The following DPP6 variants were observed in gnomAD, a reference collection of about 807,000 sequenced individuals.
DPP6 encodes A-type potassium channel modulatory protein DPP6.
DPP6 carries 69 observed loss-of-function variants against 122.6 expected under a neutral mutation model. The ratio of observed to expected loss-of-function variants is 0.56; its 90% CI spans 0.46 to 0.69. The LOEUF is 0.69. DPP6 is among the 30% of genes least tolerant of loss of function. The probability of loss-of-function intolerance (pLI) is 0.00; values close to 1 mark genes in which losing one functional copy is unlikely to be tolerated. For missense variants in DPP6, 928 were observed against 1,116.9 expected, an observed-to-expected ratio of 0.83 and a Z score of 2.41; for synonymous variants, 418 against 433.1, an observed-to-expected ratio of 0.97 and a Z score of 0.43.
chr7:154,243,580 G>C (rs1409277782), intron 1 of DPP6, among the ~76,000 whole-genome samples: 1 of 152,136 alleles, frequency 6.6e-6, no homozygotes, highest in Admixed American at 6.6e-5. Context: ...CAGATCACGA[G>C]GTCAGGAGAT....
intron 7 of DPP6, among the ~76,000 whole-genome samples, chr7:154,718,738 C>G (rs1467788939): frequency 6.8e-6 from 1 of 147,776 alleles, no homozygotes; most frequent in Admixed American, 6.9e-5. Flanking sequence ...CTCCCAGATT[C>G]AAGTGATTCT....
chr7:154,314,111 C>T (rs554667394), intron 1 of DPP6, among the ~76,000 whole-genome samples: 9 of 152,072 alleles, frequency 5.9e-5, no homozygotes, highest in Non-Finnish European at 1.3e-4. Flanking sequence ...AGCTAACTTA[C>T]GGGGGAGTTG....
intron 1 of DPP6, among the ~76,000 whole-genome samples, chr7:154,417,523 T>G (rs1817128617): frequency 6.6e-6 from 1 of 152,148 alleles, no homozygotes. Context: ...CTGACCTGAT[T>G]TCATGACTTC....
At chr7:153,794,900 C>G in the DPP6 span, among the ~76,000 whole-genome samples, 2 of 152,138 alleles carry the variant, frequency 1.3e-5, no homozygotes, top group African/African-American at 2.4e-5. Context: ...TCGCCGCCAT[C>G]ATGTAAGAAG....
chr7:154,461,234 A>G (rs1210852783), intron 2 of DPP6, among the ~76,000 whole-genome samples: 6 of 152,192 alleles, frequency 3.9e-5, no homozygotes, highest in Non-Finnish European at 1.5e-5. Context: ...TCCATTGTGT[A>G]TACGTACCAT....
intron 2 of DPP6, among the ~76,000 whole-genome samples, chr7:154,456,363 G>T (rs1820827881): frequency 6.6e-6 from 1 of 152,142 alleles, no homozygotes; most frequent in Non-Finnish European, 1.5e-5. Context: ...AAAATCACCA[G>T]AAGTTCAGTT....
At chr7:154,077,093 CTA>C (rs753918456) in intron 1 of DPP6, among the ~76,000 whole-genome samples, 9 of 152,306 alleles carry the variant, frequency 5.9e-5, no homozygotes, top group Non-Finnish European at 1.0e-4. Context: ...ATTAAGACCT[CTA>C]TGTTTCATGT....
chr7:154,885,885 C>A, intron 22 of DPP6, 141 bp downstream of exon 22: 1 of 1,156,864 alleles, frequency 8.6e-7, no homozygotes, highest in Non-Finnish European at 1.2e-6. Context: ...CCACCTTGGG[C>A]TGATGGAAGA....
At chr7:153,928,478 G>A (rs528598684) in intron 1 of DPP6, among the ~76,000 whole-genome samples, 3 of 134,686 alleles carry the variant, frequency 2.2e-5, no homozygotes, top group African/African-American at 5.7e-5. Flanking sequence ...CCAACCTCAG[G>A]TGATCTGCCC....
intron 8 of DPP6, among the ~76,000 whole-genome samples, chr7:154,753,597 T>G (rs1249730367): frequency 6.6e-6 from 1 of 152,188 alleles, no homozygotes; most frequent in Non-Finnish European, 1.5e-5. Context: ...AGGATGAAGC[T>G]CACGTGCCAG....
intron 3 of DPP6, among the ~76,000 whole-genome samples, chr7:154,495,216 T>C (rs1824626271): frequency 1.3e-5 from 2 of 152,148 alleles, no homozygotes; most frequent in South Asian, 4.1e-4. Flanking sequence ...GCCATGAGTG[T>C]GAGGAGAAGA....
chr7:154,669,616 GTCATT>G (rs1838426188), intron 7 of DPP6, among the ~76,000 whole-genome samples, 175 bp downstream of exon 7: 1 of 152,010 alleles, frequency 6.6e-6, no homozygotes, highest in South Asian at 2.1e-4. Flanking sequence ...ATGTAAAAGG[GTCATT>G]TCTTTTTAGA....
At chr7:153,954,226 T>C (rs569742240) in intron 1 of DPP6, among the ~76,000 whole-genome samples, 2 of 152,350 alleles carry the variant, frequency 1.3e-5, no homozygotes, top group East Asian at 1.9e-4. Flanking sequence ...AAAGTGTCAC[T>C]ATCGCAACTA....
chr7:153,782,697 C>T, the DPP6 span, among the ~76,000 whole-genome samples: 2 of 152,208 alleles, frequency 1.3e-5, no homozygotes, highest in African/African-American at 4.8e-5. Context: ...CTCTAGCATG[C>T]TGTCCTGCCT....
intron 1 of DPP6, among the ~76,000 whole-genome samples, chr7:154,294,327 G>T (rs761206588): frequency 6.7e-4 from 102 of 152,136 alleles, no homozygotes; most frequent in Admixed American, 1.3e-3. Context: ...TGGTGTCTTT[G>T]CTAATGCCTT....
chr7:154,034,870 A>G (rs2129056121), intron 1 of DPP6, among the ~76,000 whole-genome samples: 1 of 150,966 alleles, frequency 6.6e-6, no homozygotes, highest in African/African-American at 2.4e-5. Flanking sequence ...TGAGAAAGTC[A>G]GTCCATTAAT....
At chr7:153,938,624 G>A (rs189139538) in intron 1 of DPP6, among the ~76,000 whole-genome samples, 107 of 152,288 alleles carry the variant, frequency 7.0e-4, no homozygotes, top group Admixed American at 2.0e-3. Context: ...GAAAGTTATC[G>A]ACGTCCAACC....
intron 1 of DPP6, among the ~76,000 whole-genome samples, chr7:154,442,665 G>GT (rs976722213): frequency 5.3e-5 from 8 of 152,204 alleles, no homozygotes; most frequent in Non-Finnish European, 8.8e-5. Context: ...GGCAAAGGGT[G>GT]TTTTTTTCTT....
At chr7:154,400,555 T>C (rs192689861) in intron 1 of DPP6, among the ~76,000 whole-genome samples, 1 of 152,240 alleles carries the variant, frequency 6.6e-6, no homozygotes, top group Non-Finnish European at 1.5e-5. Context: ...TTATTCTTTT[T>C]ATTTGGTGCC....
Sources: allele counts gnomAD v4.1 joint callset (sites outside exome capture counted in the v4.1 genomes callset), GRCh38; gene constraint gnomAD v4.1.1; transcripts MANE v1.5; gene names NCBI Gene and HGNC (gene_info 2026-07-23, HGNC 2026-07-21).